PTPRT: variants seen among roughly 807,000 people sequenced by gnomAD.
PTPRT encodes the protein protein tyrosine phosphatase receptor type T.
PTPRT carries 56 observed loss-of-function variants against 176.8 expected under a neutral mutation model. The ratio of observed to expected loss-of-function variants is 0.32; its 90% confidence interval spans 0.26 to 0.40. The LOEUF is 0.40. Among genes scored for constraint, PTPRT ranks in the 10% least tolerant of loss-of-function variants. The pLI is 1.00. For synonymous variants in PTPRT, 783 were observed against 739.0 expected (o/e 1.06, Z -0.96); for missense variants, 1,540 against 1,908.2 (o/e 0.81, Z 3.60).
chr20:43,052,887 T>C (rs1987100938), intron 1 of PTPRT, among the ~76,000 whole-genome samples: 1 of 152,218 alleles, frequency 6.6e-6, no homozygotes, highest in South Asian at 2.1e-4. Context: ...AAGTTCAACA[T>C]AGAATTACCA....
At chr20:42,589,378 C>T (rs1238049336) in intron 7 of PTPRT, among the ~76,000 whole-genome samples, 1 of 152,190 alleles carries the variant, frequency 6.6e-6, no homozygotes, top group Non-Finnish European at 1.5e-5. Context: ...ATGATAAACT[C>T]AATTGTTCAA....
intron 9 of PTPRT, among the ~76,000 whole-genome samples, chr20:42,445,727 G>T (rs917448756): frequency 6.6e-6 from 1 of 152,188 alleles, no homozygotes; most frequent in Admixed American, 6.5e-5. Flanking sequence ...ACCTGAAGAT[G>T]TCTTTCATCA....
At chr20:43,081,080 G>A (rs1284720137) in intron 1 of PTPRT, among the ~76,000 whole-genome samples, 2 of 152,188 alleles carry the variant, frequency 1.3e-5, no homozygotes, top group African/African-American at 4.8e-5. Context: ...AAGCTGGCTT[G>A]TCATTTGTCT....
chr20:42,655,399 G>A (rs983011107), intron 7 of PTPRT, among the ~76,000 whole-genome samples: 4 of 152,178 alleles, frequency 2.6e-5, no homozygotes, highest in African/African-American at 4.8e-5. Flanking sequence ...GCTGAGGCAG[G>A]AGAATCACTT....
intron 9 of PTPRT, among the ~76,000 whole-genome samples, chr20:42,374,305 A>T (rs1430784104): frequency 6.6e-6 from 1 of 152,208 alleles, no homozygotes; most frequent in Admixed American, 6.5e-5. Flanking sequence ...AACCTCATTA[A>T]ATCAAGTGTC....
chr20:42,136,232 CTT>C (rs397864699), intron 18 of PTPRT, among the ~76,000 whole-genome samples: 2,701 of 62,824 alleles, frequency 0.043, 35 homozygotes, highest in East Asian at 0.18. Flanking sequence ...AAGAACAGTG[CTT>C]TTTTTTTTTT....
Position 42,790,390 on chromosome 20 carries a change from T to C in PTPRT, c.486+805A>G, listed in dbSNP as rs150876884. Among the ~76,000 whole-genome samples the C allele has an allele frequency of 3.8e-3, 581 of 151,306 alleles. 6 individuals carry two copies. The highest frequency in any genetic ancestry group is 0.012 in the African/African-American group (501 of 41,160). ...AGAGGTTTAGGAACTGTTGCAACAA[T>C]CTGTCATTGCCATGATTTTTTTTTT... On this transcript the variant is annotated intron_variant, in intron 3 of 30. Coordinates refer to ENST00000373187, the MANE Select transcript of PTPRT (RefSeq NM_007050.6).
rs1196773920 is a variant in PTPRT at position 42,694,020 on chromosome 20, T to TTTTTC, written c.860-15866_860-15862dup. Among the ~76,000 whole-genome samples the TTTTTC allele has an allele frequency of 2.7e-3, 376 of 141,584 alleles. 2 individuals carry two copies. The highest frequency in any genetic ancestry group is 9.8e-3 in the African/African-American group (352 of 35,814). The allele number at this position is 141,584 out of a possible 152,430, so 92.9% of individuals were successfully genotyped here. ...ATACCCTGGAAATTACTCCAGGTTTTTTTTCTTTTATTTTATTTTCTTTTT... is the reference window on the plus strand; with the variant it reads ...ATACCCTGGAAATTACTCCAGGTTTTTTTTCTTTTCTTTTATTTTATTTTCTTTTT... On this transcript the variant is annotated intron_variant, in intron 6 of 30. Transcript: ENST00000373187.
intron 9 of PTPRT, among the ~76,000 whole-genome samples, chr20:42,440,283 A>G (rs552219130): frequency 1.3e-5 from 2 of 152,264 alleles, no homozygotes; most frequent in South Asian, 4.1e-4. Context: ...TGTGATTCTA[A>G]TCTTCAGCCA....
intron 1 of PTPRT, among the ~76,000 whole-genome samples, chr20:42,930,161 G>A (rs1262280073): frequency 1.3e-5 from 2 of 152,214 alleles, no homozygotes; most frequent in African/African-American, 4.8e-5. Flanking sequence ...CTGATGATGA[G>A]GAAGATGAGC....
chr20:42,824,524 C>G (rs1462842690), intron 2 of PTPRT, among the ~76,000 whole-genome samples: 1 of 151,890 alleles, frequency 6.6e-6, no homozygotes, highest in African/African-American at 2.4e-5. Context: ...AAAGGCTAAA[C>G]TATTAATTCA....
At chr20:42,359,918 A>G (rs933764622) in intron 9 of PTPRT, among the ~76,000 whole-genome samples, 1 of 152,192 alleles carries the variant, frequency 6.6e-6, no homozygotes, top group African/African-American at 2.4e-5. Flanking sequence ...CTTGGTTACC[A>G]TGGATCAAAG....
intron 1 of PTPRT, among the ~76,000 whole-genome samples, chr20:43,104,627 A>G (rs1185865872): frequency 6.6e-6 from 1 of 152,222 alleles, no homozygotes; most frequent in African/African-American, 2.4e-5. Context: ...GGAACTTTCC[A>G]TGATTGCTCC....
chr20:42,789,160 G>A (rs1177142180), intron 3 of PTPRT, among the ~76,000 whole-genome samples: 2 of 152,172 alleles, frequency 1.3e-5, no homozygotes, highest in African/African-American at 2.4e-5. Context: ...TACTGTAAGT[G>A]TAAAATATAG....
At chr20:43,057,981 T>C (rs941890661) in intron 1 of PTPRT, among the ~76,000 whole-genome samples, 4 of 152,044 alleles carry the variant, frequency 2.6e-5, no homozygotes, top group African/African-American at 9.7e-5. Flanking sequence ...ATGTGTGAGA[T>C]GAACAAAAAA....
chr20:42,056,900 T>C, the PTPRT span, among the ~76,000 whole-genome samples: 1 of 152,160 alleles, frequency 6.6e-6, no homozygotes, highest in Non-Finnish European at 1.5e-5. Context: ...GACTTCCAAA[T>C]GGACCCTCCC....
chr20:42,158,621 A>C (rs935768392), intron 17 of PTPRT, among the ~76,000 whole-genome samples: 3 of 152,204 alleles, frequency 2.0e-5, no homozygotes, highest in Non-Finnish European at 4.4e-5. Flanking sequence ...GATTACCGAG[A>C]TATCACAGGA....
intron 6 of PTPRT, among the ~76,000 whole-genome samples, chr20:42,750,951 C>G (rs1285784687): frequency 6.6e-6 from 1 of 152,182 alleles, no homozygotes; most frequent in African/African-American, 2.4e-5. Context: ...TACATTATCA[C>G]AACTCAATAA....
intron 1 of PTPRT, among the ~76,000 whole-genome samples, chr20:43,103,495 C>T (rs2012474008): frequency 6.6e-6 from 1 of 152,120 alleles, no homozygotes; most frequent in Admixed American, 6.6e-5. Flanking sequence ...ACACCAAAAG[C>T]TAACTGCAGC....
Sources: allele counts gnomAD v4.1 joint callset (sites outside exome capture counted in the v4.1 genomes callset), GRCh38; gene constraint gnomAD v4.1.1; transcripts MANE v1.5; gene names NCBI Gene and HGNC (gene_info 2026-07-23, HGNC 2026-07-21).